Variants in CD53 observed in about 807,000 individuals in gnomAD.
CD53 encodes the protein leukocyte surface antigen CD53.
CD53 carries 20 observed loss-of-function variants against 27.3 expected under a neutral mutation model. That is an observed-to-expected ratio of 0.73 (90% CI 0.52 to 1.07). CD53 has a LOEUF of 1.07. Among genes scored for constraint, CD53 ranks in the 50% least tolerant of loss-of-function variants. The probability of loss-of-function intolerance (pLI) is 0.00; values close to 1 mark genes in which losing one functional copy is unlikely to be tolerated. For missense variants in CD53, 216 were observed against 264.0 expected, an observed-to-expected ratio of 0.82 and a Z score of 1.26; for synonymous variants, 106 against 105.3, an observed-to-expected ratio of 1.01 and a Z score of -0.04.
At chr1:110,891,365 C>T (rs756362743) in intron 1 of CD53, 27 bp from the exon 2 acceptor site, 3 of 1,485,846 alleles carry the variant, frequency 2.0e-6, no homozygotes, top group East Asian at 2.3e-5. Context: ...AGTGAGGTAA[C>T]TTACTTTCTT....
upstream of CD53, among the ~76,000 whole-genome samples, chr1:110,871,644 G>A (rs1655970504): frequency 2.0e-5 from 3 of 152,104 alleles, no homozygotes; most frequent in Non-Finnish European, 1.5e-5. Context: ...GAGATAATTA[G>A]GAAAATATGA....
chr1:110,886,869 A>ATATATATTTTTT (rs1298376721), intron 1 of CD53, among the ~76,000 whole-genome samples: 1,340 of 82,570 alleles, frequency 0.016, 17 homozygotes, highest in Middle Eastern at 0.038. Context: ...ATATATATAT[A>ATATATATTTTTT]TTTTTTTTTT....
chr1:110,873,063 C>T (rs1427596174), upstream of CD53: 1 of 152,616 alleles, frequency 6.6e-6, no homozygotes, highest in Non-Finnish European at 1.5e-5. Context: ...AGGGCGGACT[C>T]AGCCTCACTT....
chr1:110,899,221 A>T lies in CD53; in HGVS notation c.*26A>T, dbSNP rs1240458136. The T allele has an allele frequency of 7.1e-6, 11 of 1,551,710 alleles. No homozygotes were observed. The highest frequency in any genetic ancestry group is 1.4e-5 in the African/African-American group (1 of 74,026). Reference sequence around the variant, plus strand: ...TCTGCAGTAGTCCTGTGGTGAAGAGACTTGTTTCATCTCCGGAAATGCAAA... The same window carrying T: ...TCTGCAGTAGTCCTGTGGTGAAGAGTCTTGTTTCATCTCCGGAAATGCAAA... On this transcript the variant is annotated 3_prime_UTR_variant, in exon 8 of 8. Coordinates refer to ENST00000271324, the MANE Select transcript of CD53 (RefSeq NM_000560.4).
intron 1 of CD53, among the ~76,000 whole-genome samples, chr1:110,886,232 A>AT (rs1362776681): frequency 6.6e-6 from 1 of 151,992 alleles, no homozygotes; most frequent in East Asian, 1.9e-4. Context: ...TATCCTTACA[A>AT]TTGTTCCTTA....
At chr1:110,881,261 C>A (rs984449016) in intron 1 of CD53, among the ~76,000 whole-genome samples, 4 of 152,078 alleles carry the variant, frequency 2.6e-5, no homozygotes, top group Non-Finnish European at 5.9e-5. Context: ...CCTGCCCTCC[C>A]CCACCTTCAT....
chr1:110,873,925 T>C (rs1358457247), intron 1 of CD53, among the ~76,000 whole-genome samples: 1 of 152,200 alleles, frequency 6.6e-6, no homozygotes, highest in African/African-American at 2.4e-5. Context: ...ACATGACCAC[T>C]GATAAATGTC....
intron 5 of CD53, 125 bp from the exon 6 acceptor site, chr1:110,896,528 T>G: frequency 2.4e-6 from 2 of 821,466 alleles, no homozygotes; most frequent in South Asian, 3.1e-5. Flanking sequence ...CCCATAGCAA[T>G]CAGACCAATT....
intron 5 of CD53, among the ~76,000 whole-genome samples, chr1:110,895,885 A>G (rs1448271899): frequency 2.0e-5 from 3 of 152,152 alleles, no homozygotes; most frequent in Non-Finnish European, 2.9e-5. Context: ...ACAATATATT[A>G]TTTCACCCAC....
intron 1 of CD53, among the ~76,000 whole-genome samples, chr1:110,887,626 G>T (rs1460509104): frequency 6.6e-6 from 1 of 152,106 alleles, no homozygotes; most frequent in Non-Finnish European, 1.5e-5. Context: ...AAGATTTGTT[G>T]GGTAGAACAG....
Position 110,899,129 on chromosome 1 carries a change from G to A in CD53, c.594G>A (p.Leu198=). Residue 198 remains leucine (L), a synonymous_variant, in exon 8 of 8, where the codon TTG becomes TTA. Coordinates refer to ENST00000271324, the MANE Select transcript of CD53 (RefSeq NM_000560.4). ...ITICVCVIEV[L]GMSFALTLNC... is the part of the protein sequence containing the mutation. ...TTTCCCAACTCTTTTCACAGGTGTT[G>A]GGGATGTCCTTTGCACTGACCCTGA... 6.2e-7 allele frequency: 1 copy of A among 1,613,492 alleles called. No homozygotes were observed. Among genetic ancestry groups the A allele is most frequent in the African/African-American group, 1.3e-5 (1 of 75,014 alleles).
intron 1 of CD53, among the ~76,000 whole-genome samples, chr1:110,887,344 G>A (rs1434496265): frequency 5.3e-5 from 8 of 152,220 alleles, no homozygotes; most frequent in Admixed American, 1.3e-4. Flanking sequence ...GATTACAGGC[G>A]TGAGCCACCG....
At chr1:110,876,018 A>G (rs1432508948) in intron 1 of CD53, among the ~76,000 whole-genome samples, 1 of 152,212 alleles carries the variant, frequency 6.6e-6, no homozygotes, top group African/African-American at 2.4e-5. Flanking sequence ...TTATTGTAAA[A>G]GAAAATATGA....
intron 1 of CD53, among the ~76,000 whole-genome samples, chr1:110,885,393 C>A (rs1036630154): frequency 2.0e-5 from 3 of 152,094 alleles, no homozygotes; most frequent in African/African-American, 7.2e-5. Flanking sequence ...AAAAAATTAG[C>A]TGGACGTGGT....
At chr1:110,884,168 A>C (rs1656471434) in intron 1 of CD53, among the ~76,000 whole-genome samples, 1 of 152,084 alleles carries the variant, frequency 6.6e-6, no homozygotes, top group Non-Finnish European at 1.5e-5. Context: ...ATTCACCCCA[A>C]AATATTGCTT....
chr1:110,896,153 ACT>A (rs796506291), intron 5 of CD53, among the ~76,000 whole-genome samples: 43 of 152,122 alleles, frequency 2.8e-4, no homozygotes, highest in Middle Eastern at 3.4e-3. Context: ...AGACTTCTCC[ACT>A]CTCTAGATCA....
chr1:110,896,624 C>A (rs1311831315), intron 5 of CD53, 29 bp from the exon 6 acceptor site: 2 of 1,603,708 alleles, frequency 1.2e-6, no homozygotes, highest in Non-Finnish European at 1.7e-6. Context: ...ACTTTCTAAC[C>A]ATCATCATTT....
At chr1:110,896,576 C>T (rs1025479449) in intron 5 of CD53, 77 bp from the exon 6 acceptor site, 10 of 1,361,314 alleles carry the variant, frequency 7.3e-6, no homozygotes, top group African/African-American at 1.5e-5. Flanking sequence ...GAAGGGCACA[C>T]CTTTTCCTCT....
At chr1:110,893,085 A>G (rs1042598225) in intron 3 of CD53, among the ~76,000 whole-genome samples, 2 of 152,154 alleles carry the variant, frequency 1.3e-5, no homozygotes, top group African/African-American at 2.4e-5. Context: ...CATGTTCCCT[A>G]TCAGGTACTA....
Sources: gnomAD v4.1 joint callset for allele counts (sites outside exome capture counted in the v4.1 genomes callset) on GRCh38, gnomAD v4.1.1 for gene constraint, MANE v1.5 for transcripts, NCBI Gene and HGNC (gene_info 2026-07-23, HGNC 2026-07-21) for gene names.